The following TRIM51G variants were observed in gnomAD, a reference collection of about 807,000 sequenced individuals.
The protein encoded by TRIM51G is tripartite motif-containing protein 51G.
At chr11:48,977,130 C>G in the TRIM51G span, 10 of 1,304,204 alleles carry the variant, frequency 7.7e-6, no homozygotes, top group Non-Finnish European at 1.1e-5. Flanking sequence ...ATGGGCCCTG[C>G]ACTGAACTCT....
chr11:48,983,734 C>T, the TRIM51G span, among the ~76,000 whole-genome samples: 1 of 151,984 alleles, frequency 6.6e-6, no homozygotes, highest in African/African-American at 2.4e-5. Flanking sequence ...ATAAGTTGCA[C>T]TCACCCCAAG....
At chr11:48,979,815 A>ATATAAT in the TRIM51G span, among the ~76,000 whole-genome samples, 2 of 146,580 alleles carry the variant, frequency 1.4e-5, no homozygotes, top group African/African-American at 5.0e-5. Flanking sequence ...ATATATATAT[A>ATATAAT]ATATATATAC....
At chr11:48,980,616 C>G in the TRIM51G span, among the ~76,000 whole-genome samples, 2 of 152,076 alleles carry the variant, frequency 1.3e-5, no homozygotes, top group Non-Finnish European at 2.9e-5. Flanking sequence ...TCCAGGCAGC[C>G]CACTGGGAAC....
chr11:48,981,408 G>T, the TRIM51G span: 1 of 1,607,946 alleles, frequency 6.2e-7, no homozygotes, highest in Admixed American at 1.7e-5. Flanking sequence ...TTGTCTCTCT[G>T]TGCGTCCCAC....
chr11:48,978,728 C>T, the TRIM51G span: 2 of 572,086 alleles, frequency 3.5e-6, no homozygotes, highest in Non-Finnish European at 3.3e-6. Flanking sequence ...AGGCTGTACC[C>T]TCCCAACCAA....
the TRIM51G span, chr11:48,975,856 T>G: frequency 9.7e-7 from 1 of 1,027,838 alleles, no homozygotes; most frequent in Admixed American, 1.7e-5. Flanking sequence ...TATGAAAAAA[T>G]CAGCCCCCCA....
the TRIM51G span, among the ~76,000 whole-genome samples, chr11:48,979,861 T>A: frequency 0.41 from 62,230 of 150,446 alleles, 15,027 homozygotes; most frequent in Admixed American, 0.52. Flanking sequence ...TTCATATATT[T>A]ATGAGGAAGA....
the TRIM51G span, chr11:48,975,642 A>G: frequency 1.4e-6 from 2 of 1,415,470 alleles, no homozygotes; most frequent in South Asian, 2.3e-5. Flanking sequence ...CTGTGTCTGT[A>G]GGTCTTGGAA....
At chr11:48,975,890 C>A in the TRIM51G span, 1 of 820,802 alleles carries the variant, frequency 1.2e-6, no homozygotes, top group South Asian at 1.3e-5. Context: ...TCAGATTTAT[C>A]AGTGATATTG....
At chr11:48,981,524 T>C in the TRIM51G span, 5 of 1,604,006 alleles carry the variant, frequency 3.1e-6, no homozygotes, top group Non-Finnish European at 4.3e-6. Context: ...TGCCGTGTTG[T>C]CTTCTTGCAT....
the TRIM51G span, chr11:48,975,834 A>T: frequency 2.3e-6 from 3 of 1,320,258 alleles, no homozygotes; most frequent in East Asian, 7.0e-5. Flanking sequence ...ACTCCCAATA[A>T]AATTTGCCAG....
At chr11:48,982,901 G>C in the TRIM51G span, among the ~76,000 whole-genome samples, 6 of 125,394 alleles carry the variant, frequency 4.8e-5, no homozygotes, top group African/African-American at 1.8e-4. Flanking sequence ...CTACAAACCT[G>C]TATGGTATAC....
At chr11:48,978,753 A>C in the TRIM51G span, 468,868 of 603,064 alleles carry the variant, frequency 0.78, 184,468 homozygotes, top group Non-Finnish European at 0.81. Context: ...CATTAGTTAT[A>C]GAATCGTGTT....
At chr11:48,982,951 ATATACATATATAT>A in the TRIM51G span, among the ~76,000 whole-genome samples, 1 of 4,062 alleles carries the variant, frequency 2.5e-4, no homozygotes, top group African/African-American at 4.2e-4. Context: ...TTTTTGGTAT[ATATACATATATAT>A]ATATATATAT....
At chr11:48,981,042 A>G in the TRIM51G span, 3 of 680,192 alleles carry the variant, frequency 4.4e-6, no homozygotes, top group East Asian at 3.6e-5. Context: ...TGAAGACAAT[A>G]AAGTATCATT....
At chr11:48,977,735 C>G in the TRIM51G span, among the ~76,000 whole-genome samples, 2 of 151,972 alleles carry the variant, frequency 1.3e-5, no homozygotes, top group African/African-American at 4.8e-5. Context: ...AAATACTTTC[C>G]CCTTTTCTCT....
At chr11:48,982,787 A>C in the TRIM51G span, among the ~76,000 whole-genome samples, 2 of 143,862 alleles carry the variant, frequency 1.4e-5, no homozygotes, top group Admixed American at 7.1e-5. Flanking sequence ...GACGCATTAG[A>C]CAGTCTCGTT....
At chr11:48,980,173 T>A in the TRIM51G span, among the ~76,000 whole-genome samples, 15 of 152,216 alleles carry the variant, frequency 9.9e-5, no homozygotes, top group Admixed American at 9.8e-4. Context: ...ATATTTGACC[T>A]AGACTAGGTA....
At chr11:48,977,674 G>C in the TRIM51G span, among the ~76,000 whole-genome samples, 3 of 152,018 alleles carry the variant, frequency 2.0e-5, no homozygotes, top group African/African-American at 4.8e-5. Flanking sequence ...CTATTTTTCA[G>C]AATTATATAT....
Sources: gnomAD v4.1 joint callset for allele counts (sites outside exome capture counted in the v4.1 genomes callset) on GRCh38, gnomAD v4.1.1 for gene constraint, MANE v1.5 for transcripts, NCBI Gene and HGNC (gene_info 2026-07-23, HGNC 2026-07-21) for gene names.